GPR176: variants seen among roughly 807,000 people sequenced by gnomAD.
The protein encoded by GPR176 is G-protein coupled receptor 176.
A neutral mutation model predicts 35.4 loss-of-function variants in GPR176; 26 were observed. The observed-to-expected ratio is 0.74, with a 90% CI of 0.54 to 1.02. GPR176 has a LOEUF of 1.02. Ranked by LOEUF, GPR176 falls within the 50% of genes least tolerant of loss-of-function variation. The pLI, the probability that GPR176 is intolerant of heterozygous loss-of-function variation, is 0.00. For missense variants in GPR176, 597 were observed against 665.3 expected (o/e 0.90, Z 1.13); for synonymous variants, 278 against 271.3 (o/e 1.02, Z -0.24).
intron 1 of GPR176, among the ~76,000 whole-genome samples, chr15:39,826,923 G>A (rs1272516146): frequency 6.6e-6 from 1 of 152,154 alleles, no homozygotes; most frequent in Non-Finnish European, 1.5e-5. Flanking sequence ...ATATGATCAA[G>A]TATTAAAAGG....
chr15:39,889,880 T>C (rs966124056), intron 1 of GPR176, among the ~76,000 whole-genome samples: 10 of 152,184 alleles, frequency 6.6e-5, no homozygotes, highest in South Asian at 2.1e-4. Context: ...AGCATCTCCA[T>C]AGCCTCTCTA....
intron 1 of GPR176, among the ~76,000 whole-genome samples, chr15:39,812,170 A>G (rs1899613476): frequency 6.6e-6 from 1 of 152,234 alleles, no homozygotes; most frequent in Non-Finnish European, 1.5e-5. Flanking sequence ...GTAATGGTTA[A>G]TACTAAATGT....
In GPR176 at chr15:39,857,919, C is replaced by T. The variant is rs560848641; in HGVS notation, c.173-50661G>A. ...CTGGGAGGTGGAGCTTGCAGTGAGC[C>T]GAGATGGCGCCACTGCACTCCAGCC... On this transcript the variant is annotated intron_variant, in intron 1 of 2. Coordinates refer to ENST00000561100, the MANE Select transcript of GPR176 (RefSeq NM_007223.3). 1.6e-4 allele frequency among the ~76,000 whole-genome samples: 23 copies of T among 145,868 alleles called. No individual in the cohort carries two copies. In the South Asian group the frequency reaches 3.7e-3, roughly 24 times the overall value.
rs1373028904 is a variant in GPR176 at position 39,802,153 on chromosome 15, G to A, written c.527C>T (p.Pro176Leu). The change falls in exon 3 of 3, where the codon CCT becomes CTT. Residue 176 changes from proline (P) to leucine (L), a missense_variant. Coordinates refer to ENST00000561100, the MANE Select transcript of GPR176 (RefSeq NM_007223.3). ...IWAHAVVASVPVFAVTNVADI... is the reference protein window; with the variant it reads ...IWAHAVVASVLVFAVTNVADI... ...AGCCACATTGGTTACTGCAAACACAGGGACACTGGCCACCACTGCATGGGC... is the reference window on the plus strand; with the variant it reads ...AGCCACATTGGTTACTGCAAACACAAGGACACTGGCCACCACTGCATGGGC... 1 of 1,614,168 alleles carries A rather than the reference G, an allele frequency of 6.2e-7. No individual in the cohort carries two copies. The highest frequency in any genetic ancestry group is 1.7e-5 in the Admixed American group (1 of 60,024).
At chr15:39,825,445 T>C (rs966279644) in intron 1 of GPR176, among the ~76,000 whole-genome samples, 7 of 152,132 alleles carry the variant, frequency 4.6e-5, no homozygotes, top group Non-Finnish European at 1.0e-4. Context: ...CATTATTTCA[T>C]CATATATAAA....
chr15:39,914,766 C>T (rs2033682833), intron 1 of GPR176, among the ~76,000 whole-genome samples: 1 of 152,176 alleles, frequency 6.6e-6, no homozygotes, highest in African/African-American at 2.4e-5. Flanking sequence ...TAAGTGCAAA[C>T]TAGTATTATA....
At chr15:39,873,172 A>G (rs2032112032) in intron 1 of GPR176, among the ~76,000 whole-genome samples, 1 of 152,224 alleles carries the variant, frequency 6.6e-6, no homozygotes, top group South Asian at 2.1e-4. Context: ...ACAACCTCAC[A>G]AAGTAGGTAC....
intron 1 of GPR176, among the ~76,000 whole-genome samples, chr15:39,903,600 T>G (rs796370950): frequency 4.4e-4 from 67 of 152,074 alleles, no homozygotes; most frequent in African/African-American, 1.6e-3. Flanking sequence ...TTTTTAAGTG[T>G]GGCATCTTAC....
chr15:39,836,926 T>C (rs1901434291), intron 1 of GPR176, among the ~76,000 whole-genome samples: 1 of 152,300 alleles, frequency 6.6e-6, no homozygotes, highest in Admixed American at 6.5e-5. Flanking sequence ...CAATGTGTTC[T>C]AGATATTTTT....
intron 2 of GPR176, among the ~76,000 whole-genome samples, chr15:39,806,793 GGT>G (rs919696972): frequency 2.0e-5 from 3 of 152,052 alleles, no homozygotes; most frequent in African/African-American, 7.2e-5. Context: ...CCCATCCCCA[GGT>G]CTTCTCTCAA....
At chr15:39,815,758 C>T (rs577723967) in intron 1 of GPR176, among the ~76,000 whole-genome samples, 2 of 152,204 alleles carry the variant, frequency 1.3e-5, no homozygotes, top group Admixed American at 1.3e-4. Flanking sequence ...AAAAAAGTAA[C>T]AAGAGAACTA....
chr15:39,814,453 T>C (rs1367136139), intron 1 of GPR176, among the ~76,000 whole-genome samples: 1 of 152,244 alleles, frequency 6.6e-6, no homozygotes, highest in Non-Finnish European at 1.5e-5. Flanking sequence ...TTCCTAGTAT[T>C]CAGTTAGTTT....
intron 1 of GPR176, among the ~76,000 whole-genome samples, chr15:39,824,160 T>C (rs937103417): frequency 5.9e-5 from 9 of 152,242 alleles, no homozygotes; most frequent in Admixed American, 3.3e-4. Flanking sequence ...TCTCGCCATG[T>C]GACATGCTGT....
chr15:39,908,825 T>G (rs1428702507), intron 1 of GPR176, among the ~76,000 whole-genome samples: 2 of 152,194 alleles, frequency 1.3e-5, no homozygotes, highest in Admixed American at 1.3e-4. Context: ...ATTGATTTGA[T>G]TGATCAAGCT....
intron 1 of GPR176, among the ~76,000 whole-genome samples, chr15:39,875,807 CAAAG>C (rs2032221069): frequency 6.6e-6 from 1 of 152,062 alleles, no homozygotes; most frequent in South Asian, 2.1e-4. Context: ...TTGCTTAACT[CAAAG>C]AAGTTTCTTC....
chr15:39,802,700 A>G (rs1898961841), intron 2 of GPR176, among the ~76,000 whole-genome samples: 1 of 152,250 alleles, frequency 6.6e-6, no homozygotes, highest in African/African-American at 2.4e-5. Context: ...GCAATTTTCA[A>G]AGCTACCAAC....
chr15:39,874,699 T>C (rs2032175692), intron 1 of GPR176, among the ~76,000 whole-genome samples: 1 of 152,222 alleles, frequency 6.6e-6, no homozygotes, highest in African/African-American at 2.4e-5. Flanking sequence ...TATCATTGCT[T>C]TCCATACACC....
chr15:39,892,649 T>C (rs2032919622), intron 1 of GPR176, among the ~76,000 whole-genome samples: 1 of 152,080 alleles, frequency 6.6e-6, no homozygotes, highest in South Asian at 2.1e-4. Context: ...ATGAGACATA[T>C]GGAAGAAGCC....
chr15:39,832,138 A>G (rs561737898), intron 1 of GPR176, among the ~76,000 whole-genome samples: 3 of 152,212 alleles, frequency 2.0e-5, no homozygotes, highest in Non-Finnish European at 4.4e-5. Context: ...ATTAGCCATT[A>G]GATAAATGCA....
Sources: allele counts gnomAD v4.1 joint callset (sites outside exome capture counted in the v4.1 genomes callset), GRCh38; gene constraint gnomAD v4.1.1; transcripts MANE v1.5; gene names NCBI Gene and HGNC (gene_info 2026-07-23, HGNC 2026-07-21).